KLHDC10: variants seen among roughly 807,000 people sequenced by gnomAD.
KLHDC10 encodes kelch domain containing 10.
In KLHDC10, 24 loss-of-function variants were observed where a neutral mutation model predicts 56.1. The observed-to-expected ratio is 0.43, with a 90% CI of 0.31 to 0.60. KLHDC10 has a LOEUF of 0.60. Among genes scored for constraint, KLHDC10 ranks in the 20% least tolerant of loss-of-function variants. The pLI, the probability that KLHDC10 is intolerant of heterozygous loss-of-function variation, is 0.11. For synonymous variants in KLHDC10, 188 were observed against 207.1 expected, an observed-to-expected ratio of 0.91 and a Z score of 0.79; for missense variants, 349 against 567.0, an observed-to-expected ratio of 0.62 and a Z score of 3.91.
intron 8 of KLHDC10, among the ~76,000 whole-genome samples, chr7:130,127,762 T>G (rs1273696310): frequency 6.6e-6 from 1 of 152,262 alleles, no homozygotes; most frequent in Non-Finnish European, 1.5e-5. Context: ...CTAATACTAA[T>G]AATCTTGACT....
chr7:130,101,642 G>C (rs1416057612), intron 2 of KLHDC10, among the ~76,000 whole-genome samples: 1 of 152,146 alleles, frequency 6.6e-6, no homozygotes, highest in African/African-American at 2.4e-5. Flanking sequence ...TTGCCTTGGG[G>C]AGGATTGGGC....
chr7:130,128,810 C>A (rs1453687170), intron 8 of KLHDC10, among the ~76,000 whole-genome samples: 1 of 139,840 alleles, frequency 7.2e-6, no homozygotes, highest in East Asian at 2.1e-4. Flanking sequence ...GAGGCTGAGG[C>A]GGGAGGGTCA....
rs370784135 is a variant in KLHDC10 at position 130,129,497 on chromosome 7, A to G, written c.1040A>G (p.Asn347Ser). The change falls in exon 9 of 10, where the codon AAT (asparagine) becomes AGT (serine). Residue 347 changes from asparagine (N) to serine (S), a missense_variant. This residue lies in a region of KLHDC10 where 245 missense variants were observed against 470.1 expected (regional missense o/e 0.52). Coordinates refer to ENST00000335420, the MANE Select transcript of KLHDC10 (RefSeq NM_014997.4). ...ATCCTGGGAGATATCTGGAAGTTGA[A>G]TCTGCAGACTTTCCAATGGGTGAAG... ...EVILGDIWKL[N>S]LQTFQWVKLP... 6.2e-6 allele frequency: 10 copies of G among 1,613,976 alleles called. No homozygotes were observed. Among genetic ancestry groups the G allele is most frequent in the Admixed American group, 5.0e-5 (3 of 60,012 alleles).
At chr7:130,129,357 G>A in intron 8 of KLHDC10, 80 bp from the exon 9 acceptor site, 1 of 1,518,254 alleles carries the variant, frequency 6.6e-7, no homozygotes, top group Non-Finnish European at 9.0e-7. Flanking sequence ...ATGTCAGCTG[G>A]CTGTGTGACC....
chr7:130,110,208 T>C (rs1796082202), intron 2 of KLHDC10, among the ~76,000 whole-genome samples: 1 of 152,248 alleles, frequency 6.6e-6, no homozygotes, highest in South Asian at 2.1e-4. Context: ...ATGATGTTGA[T>C]TGATTTGTCC....
chr7:130,108,554 TCCAAA>T (rs1488232126), intron 2 of KLHDC10, among the ~76,000 whole-genome samples: 2 of 52,122 alleles, frequency 3.8e-5, no homozygotes, highest in African/African-American at 9.2e-5. Flanking sequence ...CTACCAAATA[TCCAAA>T]AAAAAAAAAA....
At position 130,116,124 on chromosome 7, in the gene KLHDC10, T is replaced by A. The variant is rs72607767; in HGVS notation, c.254-321T>A. On this transcript the variant is annotated intron_variant, in intron 2 of 9. Transcript: ENST00000335420. This position sits in a 1 kb window ranked among gnomAD's most constrained non-coding sequence, Gnocchi z 4.8. ...TCCTGTTAGCTTTTGGATTATTAAATCTTTCCTCCTTCTTTTCTTGAAAAT... is the reference window on the plus strand; with the variant it reads ...TCCTGTTAGCTTTTGGATTATTAAAACTTTCCTCCTTCTTTTCTTGAAAAT... Among the ~76,000 whole-genome samples the A allele has an allele frequency of 2.0e-5, 3 of 152,108 alleles. No individual in the cohort carries two copies. The highest frequency in any genetic ancestry group is 2.9e-5 in the Non-Finnish European group (2 of 68,030).
At position 130,125,279 on chromosome 7, in the gene KLHDC10, T is replaced by A. The variant is rs368075509; in HGVS notation, c.865-586T>A. 3.3e-5 allele frequency among the ~76,000 whole-genome samples: 5 copies of A among 152,314 alleles called. No individual in the cohort carries two copies. In the South Asian group the frequency reaches 8.3e-4, roughly 25 times the overall value. ...AAAGTGGGCTGGGTGCGGTAGCTCA[T>A]GCCTGTAATCCCAGCCCTTTGGGAG... On this transcript the variant is annotated intron_variant, in intron 6 of 9. Coordinates refer to ENST00000335420, the MANE Select transcript of KLHDC10 (RefSeq NM_014997.4).
intron 2 of KLHDC10, among the ~76,000 whole-genome samples, chr7:130,111,965 G>A (rs1230761533): frequency 6.6e-6 from 1 of 152,180 alleles, no homozygotes; most frequent in African/African-American, 2.4e-5. Context: ...ACATTGCTGG[G>A]AGTAGAAATG....
intron 1 of KLHDC10, among the ~76,000 whole-genome samples, chr7:130,083,238 T>G (rs1795633783): frequency 6.6e-6 from 1 of 152,130 alleles, no homozygotes; most frequent in South Asian, 2.1e-4. Flanking sequence ...ATTTAGTGAG[T>G]CAAGCCAGAA....
intron 1 of KLHDC10, among the ~76,000 whole-genome samples, chr7:130,093,293 CT>C (rs1795804825): frequency 6.6e-6 from 1 of 152,058 alleles, no homozygotes; most frequent in Non-Finnish European, 1.5e-5. Context: ...CAACCTCTGC[CT>C]CCTGGGCTCA....
At chr7:130,108,013 T>G (rs1315741391) in intron 2 of KLHDC10, among the ~76,000 whole-genome samples, 2 of 141,852 alleles carry the variant, frequency 1.4e-5, no homozygotes, top group Non-Finnish European at 3.0e-5. Flanking sequence ...AGACTCCGTC[T>G]CCAAACAAAA....
rs60894632 is a variant in KLHDC10, at chr7:130,120,296, T to G, written c.476-453T>G. On this transcript the variant is annotated intron_variant, in intron 3 of 9. Transcript: ENST00000335420. The surrounding 1 kb of genome is among the most constrained non-coding windows in gnomAD (Gnocchi z 5.1). The stretch of plus-strand genomic sequence containing the variant: ...CAGTATTTAGTGAATTCCATAAATA[T>G]GTATTGAATACGTCATATATGCCTA... Among the ~76,000 whole-genome samples, 1 of 152,228 alleles carries G rather than the reference T, an allele frequency of 6.6e-6. No individual in the cohort carries two copies. Among genetic ancestry groups the G allele is most frequent in the African/African-American group, 2.4e-5 (1 of 41,460 alleles).
chr7:130,112,129 A>G (rs548366496), intron 2 of KLHDC10, among the ~76,000 whole-genome samples: 2 of 152,234 alleles, frequency 1.3e-5, no homozygotes, highest in South Asian at 4.1e-4. Flanking sequence ...ATACATTTGT[A>G]TACAAATATA....
chr7:130,129,917 T>A (rs1796373697), intron 9 of KLHDC10, among the ~76,000 whole-genome samples: 1 of 152,220 alleles, frequency 6.6e-6, no homozygotes, highest in Non-Finnish European at 1.5e-5. Flanking sequence ...CAAAGGCCTT[T>A]ATTTTCATCT....
chr7:130,081,833 G>C (rs77475714), intron 1 of KLHDC10, among the ~76,000 whole-genome samples: 1 of 151,948 alleles, frequency 6.6e-6, no homozygotes, highest in African/African-American at 2.4e-5. Flanking sequence ...TCATTTCTGC[G>C]TTGGTTTTAT....
intron 2 of KLHDC10, among the ~76,000 whole-genome samples, chr7:130,097,639 C>T (rs1178398886): frequency 6.6e-6 from 1 of 151,950 alleles, no homozygotes; most frequent in Non-Finnish European, 1.5e-5. Context: ...GATGTTTTTA[C>T]CTATTAGATG....
chr7:130,074,382 C>T (rs1457328490), intron 1 of KLHDC10, among the ~76,000 whole-genome samples: 5 of 152,068 alleles, frequency 3.3e-5, no homozygotes, highest in African/African-American at 1.2e-4. Context: ...GCATACTTTA[C>T]CATTTGTGTG....
rs535391733 is a variant in KLHDC10 at position 130,122,642 on chromosome 7, T to C, written c.779+440T>C. Among the ~76,000 whole-genome samples, 31 of 152,304 alleles carry C rather than the reference T, an allele frequency of 2.0e-4. 1 individual carries two copies. Among genetic ancestry groups the C allele is most frequent in the African/African-American group, 7.0e-4 (29 of 41,586 alleles). On this transcript the variant is annotated intron_variant, in intron 5 of 9. Transcript: ENST00000335420. ...ATGGCTCACTGCAATCTTGACCTCC[T>C]GGGCTCAAGGCATTCTCCCATCTCA... is the stretch of plus-strand genomic sequence containing the variant.
Sources: allele counts gnomAD v4.1 joint callset (sites outside exome capture counted in the v4.1 genomes callset), GRCh38; gene constraint gnomAD v4.1.1; regional missense constraint gnomAD v4.1.1; non-coding constraint Gnocchi (gnomAD v3.1); transcripts MANE v1.5; gene names NCBI Gene and HGNC (gene_info 2026-07-23, HGNC 2026-07-21).